Variants in KIAA1549L observed in about 807,000 individuals in gnomAD.
KIAA1549L encodes UPF0606 protein KIAA1549L.
KIAA1549L carries 88 observed loss-of-function variants against 160.7 expected under a neutral mutation model. The observed-to-expected ratio is 0.55, with a 90% CI of 0.46 to 0.65. The LOEUF (loss-of-function observed/expected upper bound fraction) is 0.65, where lower values mean the gene tolerates loss of function less well. Among genes scored for constraint, KIAA1549L ranks in the 30% least tolerant of loss-of-function variants. KIAA1549L has a pLI of 0.00. For missense variants in KIAA1549L, 2,258 were observed against 2,437.5 expected (o/e 0.93, Z 1.55); for synonymous variants, 950 against 976.7 (o/e 0.97, Z 0.51).
intron 10 of KIAA1549L, among the ~76,000 whole-genome samples, chr11:33,576,505 G>A (rs994094780): frequency 6.6e-6 from 1 of 152,110 alleles, no homozygotes; most frequent in Non-Finnish European, 1.5e-5. Flanking sequence ...TCTTTATGTG[G>A]ACTCCAGAGT....
intron 16 of KIAA1549L, among the ~76,000 whole-genome samples, chr11:33,635,220 G>A (rs1303086902): frequency 2.0e-5 from 3 of 152,208 alleles, no homozygotes; most frequent in Non-Finnish European, 2.9e-5. Flanking sequence ...AGCACTTGCA[G>A]TGGGCAGAGG....
chr11:33,591,292 AG>A lies in KIAA1549L; in HGVS notation c.4624del (p.Glu1542ArgfsTer5). 6.2e-7 allele frequency: 1 copy of A among 1,613,638 alleles called. No individual in the cohort carries two copies. On this transcript the variant is annotated frameshift_variant, in exon 12 of 21. Transcript: ENST00000658780. LOFTEE classifies it high-confidence loss of function. The part of the protein sequence containing the change: ...KQHLGQQGAD[E>X]EVIPVTQETV... The stretch of plus-strand genomic sequence containing the variant: ...CACCTGGGCCAGCAAGGGGCAGATG[AG>A]GAGGTCATCCCTGTGACTCAGGAGA...
chr11:33,650,716 T>C (rs965226548), intron 17 of KIAA1549L, among the ~76,000 whole-genome samples: 7 of 152,162 alleles, frequency 4.6e-5, no homozygotes, highest in African/African-American at 1.7e-4. Context: ...TGTCCCTTGC[T>C]CTGTCATTCT....
intron 1 of KIAA1549L, among the ~76,000 whole-genome samples, chr11:33,482,944 T>A (rs1020862485): frequency 6.6e-6 from 1 of 152,192 alleles, no homozygotes; most frequent in Non-Finnish European, 1.5e-5. Context: ...TATTCATGAT[T>A]TAAAATTTTC....
intron 8 of KIAA1549L, 144 bp downstream of exon 8, chr11:33,561,879 G>A (rs1420758769): frequency 6.3e-6 from 4 of 639,252 alleles, no homozygotes; most frequent in African/African-American, 1.8e-5. Flanking sequence ...AGGACCAGAA[G>A]TGAATGGGGT....
intron 4 of KIAA1549L, among the ~76,000 whole-genome samples, chr11:33,549,231 C>T (rs568685626): frequency 6.6e-6 from 1 of 151,890 alleles, no homozygotes; most frequent in Non-Finnish European, 1.5e-5. Context: ...AAATGGAAAT[C>T]AAAATCATTT....
chr11:33,497,042 C>T (rs1310791841), intron 1 of KIAA1549L, among the ~76,000 whole-genome samples: 1 of 152,160 alleles, frequency 6.6e-6, no homozygotes, highest in Non-Finnish European at 1.5e-5. Flanking sequence ...CCCCTTACCA[C>T]TCACACGGTA....
At chr11:33,578,454 C>G (rs959388102) in intron 10 of KIAA1549L, among the ~76,000 whole-genome samples, 1 of 152,208 alleles carries the variant, frequency 6.6e-6, no homozygotes, top group African/African-American at 2.4e-5. Flanking sequence ...TCCCATCATT[C>G]TCTCCCACTT....
chr11:33,560,351 T>C (rs1854811238), intron 7 of KIAA1549L, among the ~76,000 whole-genome samples: 1 of 152,198 alleles, frequency 6.6e-6, no homozygotes, highest in Non-Finnish European at 1.5e-5. Context: ...CCTTCTGAGC[T>C]TACAATTCTG....
At chr11:33,603,794 A>C (rs1024217035) in intron 13 of KIAA1549L, among the ~76,000 whole-genome samples, 4 of 151,690 alleles carry the variant, frequency 2.6e-5, no homozygotes, top group Non-Finnish European at 5.9e-5. Context: ...CAACAAGAGC[A>C]AGACTCCACC....
chr11:33,587,340 A>G (rs1234727362), intron 11 of KIAA1549L, among the ~76,000 whole-genome samples: 3 of 152,192 alleles, frequency 2.0e-5, no homozygotes, highest in African/African-American at 7.2e-5. Context: ...TCTAATGGGC[A>G]GTTGATTAAT....
intron 1 of KIAA1549L, among the ~76,000 whole-genome samples, chr11:33,511,110 T>C (rs1302632685): frequency 6.6e-6 from 1 of 152,250 alleles, no homozygotes; most frequent in East Asian, 1.9e-4. Context: ...CAATCAGATG[T>C]ACTTCTGTGA....
rs1177369158 is a variant in KIAA1549L at position 33,665,311 on chromosome 11, G to A, written c.6160-2562G>A. 5 of 152,488 alleles carry A rather than the reference G, an allele frequency of 3.3e-5. No individual in the cohort carries two copies. In the East Asian group the frequency reaches 7.7e-4, roughly 23 times the overall value. 9.4% of individuals were successfully genotyped at this position (152,488 alleles called of 1,614,324 possible). On this transcript the variant is annotated intron_variant, in intron 20 of 20. Coordinates refer to ENST00000658780, the MANE Select transcript of KIAA1549L (RefSeq NM_012194.3). ...CTCTGTAGGCAGGTCATCCCATGGA[G>A]TGTTCAGCTTTCAGCAAAGAGGTGG...
At chr11:33,631,054 T>C (rs1209839871) in intron 16 of KIAA1549L, among the ~76,000 whole-genome samples, 1 of 152,140 alleles carries the variant, frequency 6.6e-6, no homozygotes, top group Non-Finnish European at 1.5e-5. Context: ...CTCCTGAGGG[T>C]TTGTTCCTTC....
rs370381239 is a variant in KIAA1549L, at chr11:33,459,757, C to T, written c.239-82045C>T. Among the ~76,000 whole-genome samples the T allele has an allele frequency of 1.1e-3, 163 of 151,150 alleles. 2 individuals carry two copies. In the East Asian group the frequency reaches 0.029, roughly 27 times the overall value. ...CGGGCGGATCACGAGGTCAGGAGAT[C>T]GAGACCATCCCGGCTAAAACGGTGA... On this transcript the variant is annotated intron_variant, in intron 1 of 20. Transcript: ENST00000658780.
At position 33,463,954 on chromosome 11, in the gene KIAA1549L, G is replaced by A. The variant is rs534330723; in HGVS notation, c.239-77848G>A. ...CACCCTGCTGGTACCAGGTTGGCAG[G>A]GGCCACATAAAATGGAAGGGGGCAG... On this transcript the variant is annotated intron_variant, in intron 1 of 20. Transcript: ENST00000658780. Among the ~76,000 whole-genome samples the A allele has an allele frequency of 6.8e-4, 104 of 152,290 alleles. 1 individual carries two copies. The highest frequency in any genetic ancestry group is 2.5e-3 in the African/African-American group (103 of 41,572).
At chr11:33,523,919 A>T (rs1213972477) in intron 1 of KIAA1549L, among the ~76,000 whole-genome samples, 1 of 151,928 alleles carries the variant, frequency 6.6e-6, no homozygotes, top group Non-Finnish European at 1.5e-5. Context: ...ATATTTATTT[A>T]TGTACATATT....
At chr11:33,563,543 A>G (rs1462312820) in intron 8 of KIAA1549L, among the ~76,000 whole-genome samples, 1 of 152,058 alleles carries the variant, frequency 6.6e-6, no homozygotes, top group African/African-American at 2.4e-5. Flanking sequence ...TGCCTAAAAT[A>G]CTAAGGACTG....
At position 33,668,135 on chromosome 11, in the gene KIAA1549L, T is replaced by A; in HGVS notation, c.6422T>A (p.Met2141Lys). ...AAGCTGGCCAAAAAACAGACAGACA[T>A]GTTTGAGTTCCAGGTCTAACGCCTT... is the stretch of plus-strand genomic sequence containing the variant. Reference protein sequence around the residue: ...VAKLAKKQTDMFEFQV With the variant: ...VAKLAKKQTDKFEFQV Residue 2141 changes from methionine to lysine, a missense_variant, in exon 21 of 21, where the codon ATG becomes AAG. This residue lies in a region of KIAA1549L where 1,359 missense variants were observed against 1,546.6 expected (regional missense o/e 0.88). Transcript: ENST00000658780. The A allele has an allele frequency of 1.9e-6, 3 of 1,613,702 alleles. No homozygotes were observed. Among genetic ancestry groups the A allele is most frequent in the Non-Finnish European group, 2.5e-6 (3 of 1,179,806 alleles).
Sources: gnomAD v4.1 joint callset for allele counts (sites outside exome capture counted in the v4.1 genomes callset) on GRCh38, gnomAD v4.1.1 for gene constraint, gnomAD v4.1.1 regional missense constraint, MANE v1.5 for transcripts, NCBI Gene and HGNC (gene_info 2026-07-23, HGNC 2026-07-21) for gene names.